Variants in LMF1 observed in about 807,000 individuals in gnomAD.
LMF1 encodes lipase maturation factor 1.
LMF1 carries 68 observed loss-of-function variants against 60.6 expected under a neutral mutation model. The observed-to-expected ratio is 1.12, with a 90% CI of 0.92 to 1.37. The LOEUF (loss-of-function observed/expected upper bound fraction) is 1.37. Among genes scored for constraint, LMF1 ranks in the 40% most tolerant of loss-of-function variants. LMF1 has a pLI of 0.00. For missense variants in LMF1, 948 were observed against 767.2 expected (o/e 1.24, Z -2.78); for synonymous variants, 418 against 324.7 (o/e 1.29, Z -3.09).
upstream of LMF1, among the ~76,000 whole-genome samples, chr16:975,451 AG>A (rs2073116821): frequency 6.6e-6 from 1 of 152,088 alleles, no homozygotes; most frequent in Non-Finnish European, 1.5e-5. Context: ...GTCACCGTGT[AG>A]CGGTCACCGA....
intron 1 of LMF1, among the ~76,000 whole-genome samples, chr16:954,932 G>A (rs1333519294): frequency 2.2e-5 from 3 of 139,194 alleles, no homozygotes; most frequent in Non-Finnish European, 4.7e-5. Context: ...TAAAATGCGT[G>A]CCCGCAGCAG....
chr16:943,389 AG>A (rs2072157554), intron 2 of LMF1, among the ~76,000 whole-genome samples: 1 of 137,830 alleles, frequency 7.3e-6, no homozygotes, highest in Non-Finnish European at 1.5e-5. Context: ...AAAAAAAAAA[AG>A]ATTCAGAGTC....
chr16:924,786 G>A (rs1018972416), intron 3 of LMF1, among the ~76,000 whole-genome samples: 9 of 152,230 alleles, frequency 5.9e-5, no homozygotes, highest in African/African-American at 2.2e-4. Context: ...AGGCAAAAAC[G>A]AATGAGCTAG....
chr16:868,993 C>G lies in LMF1; in HGVS notation c.1480G>C (p.Ala494Pro). The change falls in exon 10 of 11, where the codon GCC becomes CCC. Residue 494 changes from alanine (A) to proline (P), a missense_variant. Coordinates refer to ENST00000262301, the MANE Select transcript of LMF1 (RefSeq NM_022773.4). ...GGGTTGTGTGCCAGCAGGGACAAGG[C>G]CTCGGCGTCGCTGGCCAGGAGCTTG... ...AGKLLASDAE[A>P]LSLLAHNPFA... 6.2e-7 allele frequency: 1 copy of G among 1,612,556 alleles called. No individual in the cohort carries two copies. Among genetic ancestry groups the G allele is most frequent in the Non-Finnish European group, 8.5e-7 (1 of 1,179,766 alleles).
At chr16:906,593 T>C (rs2070978510) in intron 4 of LMF1, among the ~76,000 whole-genome samples, 1 of 152,152 alleles carries the variant, frequency 6.6e-6, no homozygotes, top group African/African-American at 2.4e-5. Context: ...TGGGGACTTG[T>C]GATCGTGGAG....
intron 1 of LMF1, among the ~76,000 whole-genome samples, chr16:965,945 G>T (rs560480264): frequency 2.5e-4 from 37 of 150,908 alleles, no homozygotes; most frequent in Middle Eastern, 6.9e-3. Flanking sequence ...CTGACTGCAA[G>T]GAGCTAGAGG....
In LMF1 at chr16:949,935, G is replaced by GAC. The variant is rs200451992; in HGVS notation, c.503+4421_503+4422insGT. Reference sequence around the variant, plus strand: ...AGCCAACGACAGAGTCAGAGCCAATGAGAGTCAGAGCCAACGACAGAGTCA... The same window carrying GAC: ...AGCCAACGACAGAGTCAGAGCCAATGACAGAGTCAGAGCCAACGACAGAGTCA... On this transcript the variant is annotated intron_variant, in intron 2 of 10. Transcript: ENST00000262301. Among the ~76,000 whole-genome samples the GAC allele has an allele frequency of 3.9e-4, 17 of 43,946 alleles. 7 individuals are homozygous for GAC. The highest frequency in any genetic ancestry group is 1.3e-3 in the African/African-American group (5 of 3,918). 28.8% of individuals were successfully genotyped at this position (43,946 alleles called of 152,430 possible).
chr16:856,177 G>A (rs951975540), intron 10 of LMF1: 1 of 356,222 alleles, frequency 2.8e-6, no homozygotes, highest in East Asian at 7.4e-5. Context: ...CTCCAGGAGG[G>A]CACTGCCCAC....
chr16:858,857 G>A (rs2069311169), intron 10 of LMF1, among the ~76,000 whole-genome samples: 2 of 102,458 alleles, frequency 2.0e-5, no homozygotes, highest in South Asian at 4.1e-4. Context: ...GTGGTGTCAC[G>A]GGACGGGTGT....
intron 8 of LMF1, among the ~76,000 whole-genome samples, chr16:870,313 T>C (rs1273163269): frequency 6.6e-6 from 1 of 152,218 alleles, no homozygotes; most frequent in Admixed American, 6.5e-5. Context: ...GCAGCCGCCA[T>C]GTGCCCCATG....
At chr16:935,548 A>G (rs1249471316) in intron 2 of LMF1, among the ~76,000 whole-genome samples, 2 of 148,856 alleles carry the variant, frequency 1.3e-5, no homozygotes, top group South Asian at 4.3e-4. Flanking sequence ...AAAATATACT[A>G]ACACTAGTGA....
At chr16:968,226 C>T (rs543574098) in intron 1 of LMF1, 1 of 152,352 alleles carries the variant, frequency 6.6e-6, no homozygotes, top group East Asian at 1.9e-4. Flanking sequence ...CCGGCCTCTC[C>T]AGGTCTGGCT....
chr16:976,872 C>T (rs954211869), intron 1 of LMF1: 2 of 454,130 alleles, frequency 4.4e-6, no homozygotes, highest in African/African-American at 4.0e-5. Context: ...GGCAGGGGTC[C>T]CCAGCGGTCA....
intron 3 of LMF1, among the ~76,000 whole-genome samples, chr16:916,535 C>T (rs548752368): frequency 2.0e-4 from 31 of 152,344 alleles, no homozygotes; most frequent in African/African-American, 5.3e-4. Context: ...GGGCTACAGA[C>T]GCCCCTGGGG....
intron 2 of LMF1, among the ~76,000 whole-genome samples, chr16:953,212 C>CACAG (rs2151473028): frequency 8.9e-6 from 1 of 112,172 alleles, no homozygotes; most frequent in Non-Finnish European, 2.0e-5. Context: ...TCCACACAGA[C>CACAG]ACCCACCCCA....
chr16:875,747 G>A (rs1457024198), intron 6 of LMF1, among the ~76,000 whole-genome samples: 7 of 152,114 alleles, frequency 4.6e-5, no homozygotes, highest in Admixed American at 1.3e-4. Flanking sequence ...GACCGGCCTC[G>A]GAACCAGACC....
At chr16:916,968 T>TC (rs2071295553) in intron 3 of LMF1, among the ~76,000 whole-genome samples, 2 of 152,212 alleles carry the variant, frequency 1.3e-5, no homozygotes, top group African/African-American at 4.8e-5. Flanking sequence ...GCTCCGGGTC[T>TC]GTTACGGCTA....
intron 10 of LMF1, chr16:855,740 G>GA: frequency 2.2e-6 from 1 of 456,078 alleles, no homozygotes; most frequent in Non-Finnish European, 4.4e-6. Context: ...ATGGCCCCTG[G>GA]AATGAGCCCA....
chr16:963,997 C>A (rs1364232682), intron 1 of LMF1: 1 of 455,538 alleles, frequency 2.2e-6, no homozygotes, highest in Non-Finnish European at 4.4e-6. Flanking sequence ...ACACGGGAGG[C>A]AGCAGAGCCA....
Sources: allele counts gnomAD v4.1 joint callset (sites outside exome capture counted in the v4.1 genomes callset), GRCh38; gene constraint gnomAD v4.1.1; transcripts MANE v1.5; gene names NCBI Gene and HGNC (gene_info 2026-07-23, HGNC 2026-07-21).